Variants in PLCL1 observed in about 807,000 individuals in gnomAD.
PLCL1 encodes phospholipase C like 1 (inactive).
Under a neutral mutation model 84.4 loss-of-function variants are expected in PLCL1, and 41 were observed. The ratio of observed to expected loss-of-function variants is 0.49; its 90% CI spans 0.38 to 0.63. The LOEUF is 0.63. Ranked by LOEUF, PLCL1 falls within the 30% of genes least tolerant of loss-of-function variation. The pLI is 0.00. For missense variants in PLCL1, 1,206 were observed against 1,367.8 expected, an observed-to-expected ratio of 0.88 and a Z score of 1.87; for synonymous variants, 490 against 488.3, an observed-to-expected ratio of 1.00 and a Z score of -0.05.
intron 1 of PLCL1, among the ~76,000 whole-genome samples, chr2:197,969,115 T>C (rs1022014996): frequency 6.6e-6 from 1 of 152,186 alleles, no homozygotes; most frequent in African/African-American, 2.4e-5. Flanking sequence ...TATGAGAGTC[T>C]AATGCCTGAT....
intron 1 of PLCL1, among the ~76,000 whole-genome samples, chr2:198,020,854 G>A (rs111540926): frequency 0.2 from 30,849 of 151,900 alleles, 3,226 homozygotes; most frequent in East Asian, 0.26. Context: ...CAGAAAATTA[G>A]CAAGAATATT....
chr2:197,836,667 T>C (rs1264263730), intron 1 of PLCL1, among the ~76,000 whole-genome samples: 1 of 152,172 alleles, frequency 6.6e-6, no homozygotes, highest in Non-Finnish European at 1.5e-5. Context: ...GAAATTCCTA[T>C]ATTGTTAAGT....
In PLCL1 at chr2:197,952,018, T is replaced by A. The variant is rs78043164; in HGVS notation, c.241-131740T>A. On this transcript the variant is annotated intron_variant, in intron 1 of 5. Coordinates refer to ENST00000428675, the MANE Select transcript of PLCL1 (RefSeq NM_006226.4). ...TTGTAATAAGCATTCGTGATTAATT[T>A]ACCAGGACTGATAGGATCCTGTCAC... Among the ~76,000 whole-genome samples, 311 of 152,304 alleles carry A rather than the reference T, an allele frequency of 2.0e-3. 1 individual carries two copies. Among genetic ancestry groups the A allele is most frequent in the African/African-American group, 7.2e-3 (299 of 41,594 alleles).
chr2:198,033,395 AC>A (rs1206399608), intron 1 of PLCL1, among the ~76,000 whole-genome samples: 2 of 152,114 alleles, frequency 1.3e-5, no homozygotes, highest in Non-Finnish European at 2.9e-5. Context: ...CAGACAGCAA[AC>A]CCCAGAACTT....
Position 198,013,728 on chromosome 2 carries a change from A to G in PLCL1, c.241-70030A>G, listed in dbSNP as rs115023460. 5.9e-3 allele frequency among the ~76,000 whole-genome samples: 906 copies of G among 152,294 alleles called. 5 individuals are homozygous for G. Among genetic ancestry groups the G allele is most frequent in the Non-Finnish European group, 0.011 (749 of 67,992 alleles). On this transcript the variant is annotated intron_variant, in intron 1 of 5. Coordinates refer to ENST00000428675, the MANE Select transcript of PLCL1 (RefSeq NM_006226.4). Reference sequence around the variant, plus strand: ...TGAGATGAATAATTATGAAACACCAATGAACCAGTGCAGCTGGGGATTTAA... The same window carrying G: ...TGAGATGAATAATTATGAAACACCAGTGAACCAGTGCAGCTGGGGATTTAA...
intron 5 of PLCL1, among the ~76,000 whole-genome samples, chr2:198,116,791 C>A (rs1188600865): frequency 6.6e-6 from 1 of 151,842 alleles, no homozygotes. Context: ...CTTCCCTATG[C>A]AGTGAAATAC....
At chr2:198,033,499 C>T (rs1486303872) in intron 1 of PLCL1, among the ~76,000 whole-genome samples, 2 of 152,148 alleles carry the variant, frequency 1.3e-5, no homozygotes, top group African/African-American at 2.4e-5. Context: ...TTACCAGTAC[C>T]GTTTTCTCTT....
intron 1 of PLCL1, among the ~76,000 whole-genome samples, chr2:198,069,597 T>G (rs561354578): frequency 2.6e-5 from 4 of 152,322 alleles, no homozygotes; most frequent in African/African-American, 9.6e-5. Context: ...TTCTTATTAC[T>G]TATAATTATA....
intron 1 of PLCL1, among the ~76,000 whole-genome samples, chr2:198,049,518 A>G (rs1691878859): frequency 3.3e-5 from 5 of 152,164 alleles, no homozygotes; most frequent in Admixed American, 3.3e-4. Context: ...GTTGCTTTTT[A>G]ATGAAGGTGG....
intron 1 of PLCL1, among the ~76,000 whole-genome samples, chr2:197,884,667 C>A (rs1241236257): frequency 3.3e-5 from 5 of 152,124 alleles, no homozygotes; most frequent in African/African-American, 4.8e-5. Context: ...TTCACCAATC[C>A]TTTTTTCCCT....
chr2:198,075,626 G>T (rs1021133363), intron 1 of PLCL1, among the ~76,000 whole-genome samples: 2 of 152,178 alleles, frequency 1.3e-5, no homozygotes, highest in Non-Finnish European at 2.9e-5. Flanking sequence ...TACAAAGGAC[G>T]TAGTACTTCT....
chr2:197,954,552 A>G (rs950140662), intron 1 of PLCL1, among the ~76,000 whole-genome samples: 1 of 152,080 alleles, frequency 6.6e-6, no homozygotes, highest in African/African-American at 2.4e-5. Flanking sequence ...GTCAAGAATT[A>G]TATGCTAATT....
chr2:197,936,351 G>A (rs2105770141), intron 1 of PLCL1, among the ~76,000 whole-genome samples: 1 of 152,138 alleles, frequency 6.6e-6, no homozygotes, highest in Middle Eastern at 3.4e-3. Flanking sequence ...GTTTTCCATA[G>A]TGGCTATATT....
At chr2:198,141,608 A>G (rs1210157457) in intron 5 of PLCL1, among the ~76,000 whole-genome samples, 1 of 152,196 alleles carries the variant, frequency 6.6e-6, no homozygotes, top group African/African-American at 2.4e-5. Context: ...CTTAAATGAT[A>G]GAGTCCCAAC....
At chr2:197,880,100 A>G (rs193287025) in intron 1 of PLCL1, among the ~76,000 whole-genome samples, 43 of 152,326 alleles carry the variant, frequency 2.8e-4, no homozygotes, top group Middle Eastern at 6.8e-3. Context: ...GTAGAGAATT[A>G]TTGCCCAACC....
intron 5 of PLCL1, among the ~76,000 whole-genome samples, chr2:198,104,759 A>G (rs1693431672): frequency 6.6e-6 from 1 of 151,898 alleles, no homozygotes; most frequent in South Asian, 2.1e-4. Flanking sequence ...TGTGGTTTTG[A>G]TTTGGATTTC....
At chr2:197,935,331 C>G (rs1239556516) in intron 1 of PLCL1, among the ~76,000 whole-genome samples, 1 of 152,132 alleles carries the variant, frequency 6.6e-6, no homozygotes, top group Non-Finnish European at 1.5e-5. Flanking sequence ...CAACAATATT[C>G]ACAATAGCAA....
chr2:197,838,987 T>C (rs948097543), intron 1 of PLCL1, among the ~76,000 whole-genome samples: 2 of 152,260 alleles, frequency 1.3e-5, no homozygotes, highest in Non-Finnish European at 2.9e-5. Context: ...TTATGTTGAA[T>C]ACTATTCAAT....
chr2:197,887,089 C>T (rs1479657290), intron 1 of PLCL1, among the ~76,000 whole-genome samples: 3 of 152,122 alleles, frequency 2.0e-5, no homozygotes, highest in African/African-American at 7.2e-5. Context: ...TCCTTAGTTC[C>T]ATTCTCTAAA....
Sources: allele counts gnomAD v4.1 joint callset (sites outside exome capture counted in the v4.1 genomes callset), GRCh38; gene constraint gnomAD v4.1.1; transcripts MANE v1.5; gene names NCBI Gene and HGNC (gene_info 2026-07-23, HGNC 2026-07-21).